Variants in VPS8 observed in about 807,000 individuals in gnomAD.
VPS8 encodes the protein VPS8 subunit of CORVET complex.
VPS8 carries 129 observed loss-of-function variants against 216.4 expected under a neutral mutation model. That is an observed-to-expected ratio of 0.60 (90% CI 0.52 to 0.69). The LOEUF (loss-of-function observed/expected upper bound fraction) is 0.69. Ranked by LOEUF, VPS8 falls within the 30% of genes least tolerant of loss-of-function variation. The pLI is 0.00. For synonymous variants in VPS8, 571 were observed against 565.4 expected (o/e 1.01, Z -0.14); for missense variants, 1,531 against 1,683.5 (o/e 0.91, Z 1.59).
intron 7 of VPS8, among the ~76,000 whole-genome samples, chr3:184,842,102 G>A (rs1273096896): frequency 6.8e-6 from 1 of 147,468 alleles, no homozygotes. Context: ...ATGTGGAATG[G>A]CGTGAACCCG....
chr3:184,853,547 G>T (rs1397749867), intron 11 of VPS8, among the ~76,000 whole-genome samples: 2 of 152,200 alleles, frequency 1.3e-5, no homozygotes, highest in Non-Finnish European at 2.9e-5. Flanking sequence ...TGTGGCTGGA[G>T]TGTGACTTTG....
At position 184,824,564 on chromosome 3, in the gene VPS8, C is replaced by T. The variant is rs938456842; in HGVS notation, c.-69C>T. 3.6e-5 allele frequency: 54 copies of T among 1,483,192 alleles called. No individual in the cohort carries two copies. The South Asian group carries it at 4.7e-4, about 13-fold the overall frequency. The allele number at this position is 1,483,192 out of a possible 1,614,324, so 91.9% of individuals were successfully genotyped here. On this transcript the variant is annotated 5_prime_UTR_variant, in exon 2 of 48. Transcript: ENST00000625842. ...GAAAAGAGATAATCATTCAGGTCTT[C>T]GTGAGCTAAGGCCAAACAAACAAAA...
At chr3:185,012,911 C>T (rs1755228724) in intron 45 of VPS8, among the ~76,000 whole-genome samples, 1 of 150,954 alleles carries the variant, frequency 6.6e-6, no homozygotes, top group Non-Finnish European at 1.5e-5. Context: ...TATTTACTGA[C>T]AGCAAGCCAG....
chr3:184,922,064 A>G (rs1220643623), intron 29 of VPS8, among the ~76,000 whole-genome samples: 1 of 152,122 alleles, frequency 6.6e-6, no homozygotes, highest in Admixed American at 6.5e-5. Flanking sequence ...ACCCTCAACC[A>G]TATTAAATTA....
chr3:184,901,150 C>T (rs528120921), intron 25 of VPS8, 178 bp downstream of exon 25: 2 of 600,710 alleles, frequency 3.3e-6, no homozygotes, highest in South Asian at 2.3e-5. Flanking sequence ...AAAAAGTTTC[C>T]TCCTTCCCCT....
chr3:184,996,003 T>C lies in VPS8; in HGVS notation c.3667-329T>C, dbSNP rs186412849. Among the ~76,000 whole-genome samples the C allele has an allele frequency of 1.4e-4, 21 of 152,324 alleles. No homozygotes were observed. The South Asian group carries it at 1.4e-3, about 11-fold the overall frequency. On this transcript the variant is annotated intron_variant, in intron 43 of 47. Transcript: ENST00000625842. Reference sequence around the variant, plus strand: ...AGTTATTATATAAATGTAATAAATATATTTGGGCTTATCTAGTCATTTGAA... The same window carrying C: ...AGTTATTATATAAATGTAATAAATACATTTGGGCTTATCTAGTCATTTGAA...
intron 34 of VPS8, among the ~76,000 whole-genome samples, chr3:184,933,683 T>G (rs186227168): frequency 3.4e-4 from 52 of 152,218 alleles, no homozygotes; most frequent in African/African-American, 1.2e-3. Context: ...TCGAGTTAAG[T>G]TTTTAGAATA....
intron 1 of VPS8, among the ~76,000 whole-genome samples, chr3:184,821,492 C>T (rs180694087): frequency 3.9e-5 from 6 of 152,078 alleles, no homozygotes; most frequent in East Asian, 1.9e-4. Context: ...TACAGGCACA[C>T]GCCACCACGC....
chr3:184,867,038 T>G, intron 17 of VPS8, 88 bp downstream of exon 17: 1 of 1,212,716 alleles, frequency 8.2e-7, no homozygotes, highest in South Asian at 1.4e-5. Flanking sequence ...GGCAGTATAT[T>G]GCAAAGTGAA....
intron 29 of VPS8, among the ~76,000 whole-genome samples, chr3:184,923,681 A>G (rs984201451): frequency 6.6e-6 from 1 of 152,068 alleles, no homozygotes; most frequent in Non-Finnish European, 1.5e-5. Context: ...CTTTTAATCT[A>G]TAGTTTCCCT....
chr3:184,832,020 G>T (rs1296571507), intron 3 of VPS8, among the ~76,000 whole-genome samples: 6 of 152,120 alleles, frequency 3.9e-5, no homozygotes, highest in Non-Finnish European at 7.4e-5. Context: ...TATGTGTCAG[G>T]CATTATACTA....
intron 16 of VPS8, among the ~76,000 whole-genome samples, chr3:184,865,361 T>G (rs1727143055): frequency 6.6e-6 from 1 of 151,992 alleles, no homozygotes; most frequent in African/African-American, 2.4e-5. Flanking sequence ...GTAGAAAAAT[T>G]TTAAAGCAAC....
chr3:184,979,570 T>C (rs1749848860), intron 40 of VPS8, among the ~76,000 whole-genome samples: 1 of 152,238 alleles, frequency 6.6e-6, no homozygotes, highest in Non-Finnish European at 1.5e-5. Flanking sequence ...TTTGTCTTTT[T>C]TGTTCATTGT....
At chr3:185,000,091 G>A (rs1049096276) in intron 45 of VPS8, among the ~76,000 whole-genome samples, 1 of 152,154 alleles carries the variant, frequency 6.6e-6, no homozygotes, top group Non-Finnish European at 1.5e-5. Context: ...GCCTTTAAAC[G>A]GCTTAAGATC....
At chr3:184,820,688 G>T (rs556633909) in intron 1 of VPS8, among the ~76,000 whole-genome samples, 57 of 152,222 alleles carry the variant, frequency 3.7e-4, no homozygotes, top group Non-Finnish European at 7.2e-4. Flanking sequence ...GTCTCTTTGA[G>T]TTGGAAAAAC....
intron 8 of VPS8, among the ~76,000 whole-genome samples, chr3:184,847,909 G>T (rs547315128): frequency 6.6e-6 from 1 of 151,570 alleles, no homozygotes; most frequent in Non-Finnish European, 1.5e-5. Flanking sequence ...AGCATATTTT[G>T]TTTGTTTGTT....
intron 2 of VPS8, 56 bp downstream of exon 2, chr3:184,824,841 T>C: frequency 6.7e-7 from 1 of 1,502,852 alleles, no homozygotes; most frequent in Non-Finnish European, 9.0e-7. Context: ...GATTAGAGTA[T>C]GCTTTGTGAC....
Position 185,013,369 on chromosome 3 carries a change from C to T in VPS8, c.4003-10967C>T, listed in dbSNP as rs1755321984. Among the ~76,000 whole-genome samples, 2 of 152,202 alleles carry T rather than the reference C, an allele frequency of 1.3e-5. 1 individual carries two copies. Among genetic ancestry groups the T allele is most frequent in the South Asian group, 4.1e-4 (2 of 4,822 alleles). ...AGCTACTTCTCTTAAGAGTCAGGAT[C>T]CACATCTGCAGACTATACAAAGACA... On this transcript the variant is annotated intron_variant, in intron 45 of 47. Coordinates refer to ENST00000625842, the MANE Select transcript of VPS8 (RefSeq NM_001009921.3).
chr3:184,903,973 C>A (rs1403653159), intron 25 of VPS8, among the ~76,000 whole-genome samples: 2 of 151,936 alleles, frequency 1.3e-5, no homozygotes, highest in Non-Finnish European at 2.9e-5. Context: ...TACTCCTTTT[C>A]CTCCTCCTAA....
Sources: gnomAD v4.1 joint callset for allele counts (sites outside exome capture counted in the v4.1 genomes callset) on GRCh38, gnomAD v4.1.1 for gene constraint, MANE v1.5 for transcripts, NCBI Gene and HGNC (gene_info 2026-07-23, HGNC 2026-07-21) for gene names.